The following ZNF397 variants were observed in gnomAD, a reference collection of about 807,000 sequenced individuals.
ZNF397 encodes the protein zinc finger protein 397, also known as zinc finger and SCAN domain-containing protein 15.
Under a neutral mutation model 50.6 loss-of-function variants are expected in ZNF397, and 38 were observed. That is an observed-to-expected ratio of 0.75 (90% CI 0.58 to 0.98). The LOEUF (loss-of-function observed/expected upper bound fraction) is 0.98, where lower values mean the gene tolerates loss of function less well. Among genes scored for constraint, ZNF397 ranks in the 50% least tolerant of loss-of-function variants. The pLI is 0.00. For synonymous variants in ZNF397, 228 were observed against 215.2 expected, an observed-to-expected ratio of 1.06 and a Z score of -0.52; for missense variants, 624 against 624.1, an observed-to-expected ratio of 1.00 and a Z score of 0.00.
downstream of ZNF397, chr18:35,254,214 T>A (rs1334475088): frequency 5.0e-6 from 8 of 1,614,046 alleles, no homozygotes; most frequent in Non-Finnish European, 6.8e-6. Context: ...CCTGCAGCAT[T>A]TCCCTTTTGC....
downstream of ZNF397, chr18:35,253,809 G>T (rs758571037): frequency 1.1e-5 from 17 of 1,614,040 alleles, no homozygotes; most frequent in Admixed American, 2.7e-4. Context: ...TGGATTCTCC[G>T]ATGCCTGATG....
Position 35,245,252 on chromosome 18 carries a change from ATTG to A in ZNF397, c.557-7_557-5del. 1 of 1,571,504 alleles carries A rather than the reference ATTG, an allele frequency of 6.4e-7. No homozygotes were observed. On this transcript the variant is annotated splice_region_variant and splice_polypyrimidine_tract_variant and intron_variant, in intron 3 of 3. Coordinates refer to ENST00000330501, the MANE Select transcript of ZNF397 (RefSeq NM_001135178.3). ...TGTAATATCTGTTTTTTTGCTACTT[ATTG>A]TTTCAGATTGTGAGAACAGTGAAAC...
At chr18:35,255,687 A>G (rs72959631) in intron 5 of ZNF397, 1 of 154,356 alleles carries the variant, frequency 6.5e-6, no homozygotes, top group Non-Finnish European at 1.5e-5. Context: ...AAACACAACA[A>G]TAAAGCACCA....
intron 2 of ZNF397, 68 bp from the exon 3 acceptor site, chr18:35,243,084 G>C (rs1555932596): frequency 6.2e-7 from 1 of 1,605,554 alleles, no homozygotes; most frequent in Non-Finnish European, 8.5e-7. Flanking sequence ...TGACCTCTTT[G>C]AGATTTTTAC....
Position 35,242,480 on chromosome 18 carries a change from G to T in ZNF397, c.10G>T (p.Glu4Ter), listed in dbSNP as rs761068755. The T allele has an allele frequency of 1.2e-6, 2 of 1,611,462 alleles. No homozygotes were observed. Among genetic ancestry groups the T allele is most frequent in the Non-Finnish European group, 1.7e-6 (2 of 1,178,212 alleles). The part of the protein sequence containing the change: MAV[E>*]SGVISTLIPQ... ...GCTGTTTCAGCCAAGAATGGCTGTG[G>T]AATCTGGAGTGATTTCAACCCTGAT... The change falls in exon 2 of 4, where the codon GAA becomes TAA. Residue 4 changes from glutamate (E) to a stop codon, truncating the protein, a stop_gained. Coordinates refer to ENST00000330501, the MANE Select transcript of ZNF397 (RefSeq NM_001135178.3). LOFTEE classifies it high-confidence loss of function.
chr18:35,242,947 A>G, intron 2 of ZNF397, 63 bp downstream of exon 2: 5 of 1,535,112 alleles, frequency 3.3e-6, no homozygotes, highest in East Asian at 2.3e-5. Context: ...TAATGGTATC[A>G]TAACAGTAGG....
rs1569048992 is a variant in ZNF397, at chr18:35,249,664, A to C, written c.*3354A>C. 1 of 148,852 alleles carries C rather than the reference A, an allele frequency of 6.7e-6. No individual in the cohort carries two copies. Among genetic ancestry groups the C allele is most frequent in the African/African-American group, 2.5e-5 (1 of 40,574 alleles). The allele number at this position is 148,852 out of a possible 1,614,324, so 9.2% of individuals were successfully genotyped here. A position where few individuals can be genotyped will look rare whatever the true frequency, so the allele number is the denominator to read the frequency against. On this transcript the variant is annotated 3_prime_UTR_variant, in exon 4 of 4. Coordinates refer to ENST00000330501, the MANE Select transcript of ZNF397 (RefSeq NM_001135178.3). ...TGAGACTGTGTCTCAAAAAAAAAAA[A>C]AAAAAAAAAAAAAACACTGATGTCA...
rs2043504377 is a variant in ZNF397 at position 35,247,666 on chromosome 18, A to ATCTTT, written c.*1357_*1358insCTTTT. On this transcript the variant is annotated 3_prime_UTR_variant, in exon 4 of 4. Transcript: ENST00000330501. Reference sequence around the variant, plus strand: ...CCAGTATTTCACAATATCTTTTGCAATTTTTTTTTTTTTTTTTTTTTTTTT... The same window carrying ATCTTT: ...CCAGTATTTCACAATATCTTTTGCAATCTTTTTTTTTTTTTTTTTTTTTTTTTTTT... 1.4e-5 allele frequency: 1 copy of ATCTTT among 71,946 alleles called. No individual in the cohort carries two copies. Among genetic ancestry groups the ATCTTT allele is most frequent in the Non-Finnish European group, 2.4e-5 (1 of 41,590 alleles). 4.5% of individuals were successfully genotyped at this position (71,946 alleles called of 1,614,324 possible).
At chr18:35,251,738 CA>C (rs1197341189), downstream of ZNF397, 2 of 152,130 alleles carry the variant, frequency 1.3e-5, no homozygotes, top group African/African-American at 4.8e-5. Context: ...CGCCTTCCAC[CA>C]TGATTTAAGT....
At chr18:35,243,108 T>G (rs757331823) in intron 2 of ZNF397, 44 bp from the exon 3 acceptor site, 2 of 1,611,094 alleles carry the variant, frequency 1.2e-6, no homozygotes, top group Non-Finnish European at 1.7e-6. Flanking sequence ...GCAAGTTTTC[T>G]TAGGGATTTT....
Position 35,245,523 on chromosome 18 carries a change from T to G in ZNF397, c.818T>G (p.Ile273Arg). 16 of 1,552,408 alleles carry G rather than the reference T, an allele frequency of 1.0e-5. No homozygotes were observed. The highest frequency in any genetic ancestry group is 1.4e-5 in the Non-Finnish European group (16 of 1,147,160). ...ERCLILTTDS[I>R]MCQKVPPEER... Reference sequence around the variant, plus strand: ...TGCTTGATTCTAACTACAGACTCTATAATGTGTCAGAAAGTTCCTCCAGAA... The same window carrying G: ...TGCTTGATTCTAACTACAGACTCTAGAATGTGTCAGAAAGTTCCTCCAGAA... Residue 273 changes from isoleucine (I) to arginine (R), a missense_variant, in exon 4 of 4, where the codon ATA (isoleucine) becomes AGA (arginine). Physicochemically the swap from Ile to Arg is moderately conservative, Grantham distance 97. Transcript: ENST00000330501.
rs1161559834 is a variant in ZNF397, at chr18:35,243,441, T to G, written c.556+148T>G. 59 of 1,085,494 alleles carry G rather than the reference T, an allele frequency of 5.4e-5. No individual in the cohort carries two copies. In the East Asian group the frequency reaches 1.4e-3, roughly 25 times the overall value. 67.2% of individuals were successfully genotyped at this position (1,085,494 alleles called of 1,614,324 possible). A position where few individuals can be genotyped will look rare whatever the true frequency, so the allele number is the denominator to read the frequency against. ...AGGTGCTCGCTTTAGCGGCTTTGTA[T>G]TCACCCCTCATGAATTGCTGTCAGC... On this transcript the variant is annotated intron_variant, in intron 3 of 3. Coordinates refer to ENST00000330501, the MANE Select transcript of ZNF397 (RefSeq NM_001135178.3).
At chr18:35,250,631 A>C (rs2043562394), downstream of ZNF397, among the ~76,000 whole-genome samples, 1 of 152,156 alleles carries the variant, frequency 6.6e-6, no homozygotes, top group African/African-American at 2.4e-5. Context: ...TCTGACCCTC[A>C]TCTCTCCAAG....
chr18:35,254,482 TA>T (rs1569061325), downstream of ZNF397: 1 of 1,575,754 alleles, frequency 6.3e-7, no homozygotes, highest in South Asian at 1.1e-5. Flanking sequence ...ATTTATTTAT[TA>T]GGAGGACAGT....
Position 35,247,148 on chromosome 18 carries a change from G to A in ZNF397, c.*838G>A. ...ATTCCTTGAGTTCCTGTTGTAGTGAGGTCTTGTCTGTCAGAGAAGTCTGGG... is the reference window on the plus strand; with the variant it reads ...ATTCCTTGAGTTCCTGTTGTAGTGAAGTCTTGTCTGTCAGAGAAGTCTGGG... On this transcript the variant is annotated 3_prime_UTR_variant, in exon 4 of 4. Transcript: ENST00000330501. 4.1e-6 allele frequency: 4 copies of A among 985,538 alleles called. No individual in the cohort carries two copies. Among genetic ancestry groups the A allele is most frequent in the Non-Finnish European group, 4.8e-6 (4 of 830,004 alleles). 61.0% of individuals were successfully genotyped at this position (985,538 alleles called of 1,614,324 possible). A position where few individuals can be genotyped will look rare whatever the true frequency, so the allele number is the denominator to read the frequency against.
chr18:35,251,546 C>T (rs1307675612), downstream of ZNF397: 2 of 152,122 alleles, frequency 1.3e-5, no homozygotes, highest in African/African-American at 4.8e-5. Context: ...ACCCAAATCT[C>T]CAATAGTAAT....
At chr18:35,253,970 A>G, downstream of ZNF397, 1 of 1,614,188 alleles carries the variant, frequency 6.2e-7, no homozygotes, top group Non-Finnish European at 8.5e-7. Context: ...TCCAGTATGA[A>G]TTCTCTGATG....
chr18:35,253,505 G>A (rs768867819), downstream of ZNF397: 105 of 1,610,650 alleles, frequency 6.5e-5, no homozygotes, highest in Non-Finnish European at 8.7e-5. Flanking sequence ...ATGCCTAAAT[G>A]TTTTTCTACA....
chr18:35,258,211 T>C (rs1449659564), exon 6 of ZNF397: 2 of 528,806 alleles, frequency 3.8e-6, no homozygotes, highest in Non-Finnish European at 6.8e-6. Flanking sequence ...ATAAGGAGAC[T>C]TAACAGGAAC....
Sources: allele counts gnomAD v4.1 joint callset (sites outside exome capture counted in the v4.1 genomes callset), GRCh38; gene constraint gnomAD v4.1.1; transcripts MANE v1.5; gene names NCBI Gene and HGNC (gene_info 2026-07-23, HGNC 2026-07-21).